Variants in IKZF5 observed in about 807,000 individuals in gnomAD.
The protein encoded by IKZF5 is IKAROS family zinc finger 5.
A neutral mutation model predicts 30.7 loss-of-function variants in IKZF5; 4 were observed. The observed-to-expected ratio is 0.13, with a 90% CI of 0.06 to 0.30. The LOEUF (loss-of-function observed/expected upper bound fraction) is 0.30. Among genes scored for constraint, IKZF5 ranks in the 10% least tolerant of loss-of-function variants. The pLI, the probability that IKZF5 is intolerant of heterozygous loss-of-function variation, is 1.00. For missense variants in IKZF5, 348 were observed against 525.5 expected, an observed-to-expected ratio of 0.66 and a Z score of 3.30; for synonymous variants, 148 against 179.6, an observed-to-expected ratio of 0.82 and a Z score of 1.41.
At position 122,994,855 on chromosome 10, in the gene IKZF5, A is replaced by AT. The variant is rs1399535094; in HGVS notation, c.317-133dup. ...TTTCAGAAAGTCATATTTGCATAGC[A>AT]TATGAGATTGTTAAAATTTGTAAAT... On this transcript the variant is annotated intron_variant, in intron 4 of 4. Transcript: ENST00000368886. The surrounding 1 kb of genome is among the most constrained non-coding windows in gnomAD (Gnocchi z 5.6). 25 of 689,212 alleles carry AT rather than the reference A, an allele frequency of 3.6e-5. No homozygotes were observed. In the East Asian group the frequency reaches 6.8e-4, roughly 19 times the overall value. The allele number at this position is 689,212 out of a possible 1,614,324, so 42.7% of individuals were successfully genotyped here. A position where few individuals can be genotyped will look rare whatever the true frequency, so the allele number is the denominator to read the frequency against.
At chr10:123,000,174 GA>G (rs1849529615) in intron 2 of IKZF5, among the ~76,000 whole-genome samples, 2 of 152,280 alleles carry the variant, frequency 1.3e-5, no homozygotes, top group Admixed American at 6.5e-5. Context: ...CCACAATCAA[GA>G]AACAGAAGGA....
chr10:123,003,094 G>A (rs1275968794), intron 2 of IKZF5, among the ~76,000 whole-genome samples: 3 of 150,770 alleles, frequency 2.0e-5, no homozygotes, highest in South Asian at 2.1e-4. Flanking sequence ...GCAATGGCGT[G>A]ATCTCGGCTC....
chr10:122,999,586 A>G (rs1171550677), intron 2 of IKZF5, among the ~76,000 whole-genome samples: 1 of 152,374 alleles, frequency 6.6e-6, no homozygotes, highest in African/African-American at 2.4e-5. Flanking sequence ...ATTAGACTTT[A>G]TAACAACAGG....
chr10:122,998,179 T>G (rs1849451356), intron 3 of IKZF5: 2 of 196,956 alleles, frequency 1.0e-5, no homozygotes, highest in South Asian at 3.7e-4. Flanking sequence ...CCTAATGGTT[T>G]GTATAGTGAA....
Position 123,007,837 on chromosome 10 carries a change from A to T in IKZF5, c.-197-661T>A, listed in dbSNP as rs561400721. 2.0e-5 allele frequency among the ~76,000 whole-genome samples: 3 copies of T among 152,182 alleles called. No homozygotes were observed. In the East Asian group the frequency reaches 5.8e-4, roughly 29 times the overall value. ...TTTAAAATTGTTAGTTCCTACGTTT[A>T]AAAAAAAGTTGTTTTAAATACATTC... On this transcript the variant is annotated intron_variant, in intron 1 of 4. Transcript: ENST00000368886.
chr10:122,996,628 C>T (rs1267250452), intron 3 of IKZF5, among the ~76,000 whole-genome samples: 1 of 152,128 alleles, frequency 6.6e-6, no homozygotes, highest in Non-Finnish European at 1.5e-5. Context: ...CGCTGGAATC[C>T]AGGAGGCAGA....
chr10:122,994,026 C>A lies in IKZF5; in HGVS notation c.1014G>T (p.Thr338=), dbSNP rs771174517. 1 of 1,614,018 alleles carries A rather than the reference C, an allele frequency of 6.2e-7. No individual in the cohort carries two copies. Among genetic ancestry groups the A allele is most frequent in the Non-Finnish European group, 8.5e-7 (1 of 1,180,024 alleles). ...GGCTGTTTCCTATGCTGGGAGTGCT[C>A]GTGTGGGCACTTGGCTCACTGCTTG... ...AGPSSEPSAH[T]STPSIGNSQP... The change falls in exon 5 of 5, where the codon ACG becomes ACT. Residue 338 remains threonine (T), a synonymous_variant. Transcript: ENST00000368886. This position sits in a 1 kb window ranked among gnomAD's most constrained non-coding sequence, Gnocchi z 5.6.
intron 2 of IKZF5, among the ~76,000 whole-genome samples, chr10:123,003,623 G>A (rs2133418671): frequency 6.6e-6 from 1 of 152,280 alleles, no homozygotes; most frequent in South Asian, 2.1e-4. Context: ...ATCAGAAAAT[G>A]GCGGCTATTT....
At chr10:122,999,792 A>G (rs1407887160) in intron 2 of IKZF5, among the ~76,000 whole-genome samples, 1 of 152,248 alleles carries the variant, frequency 6.6e-6, no homozygotes, top group Non-Finnish European at 1.5e-5. Flanking sequence ...TGGTCTTCAC[A>G]TAGGTTTATG....
intron 4 of IKZF5, chr10:122,995,045 A>C: frequency 4.1e-6 from 1 of 241,660 alleles, no homozygotes; most frequent in South Asian, 9.7e-5. Flanking sequence ...TTACATAATA[A>C]TGAGTTTATC....
chr10:122,994,992 TAG>T lies in IKZF5; in HGVS notation c.317-271_317-270del, dbSNP rs570263885. On this transcript the variant is annotated intron_variant, in intron 4 of 4. Transcript: ENST00000368886. This position sits in a 1 kb window ranked among gnomAD's most constrained non-coding sequence, Gnocchi z 5.6. ...AAACTGTTATGGCTTCGAATGCATTTAGAGAGAAGAAACAGTACAATTGAAAT... is the reference window on the plus strand; with the variant it reads ...AAACTGTTATGGCTTCGAATGCATTTAGAGAAGAAACAGTACAATTGAAAT... The T allele has an allele frequency of 6.1e-5, 23 of 376,514 alleles. No individual in the cohort carries two copies. The South Asian group carries it at 1.1e-3, about 18-fold the overall frequency. 23.3% of individuals were successfully genotyped at this position (376,514 alleles called of 1,614,324 possible).
At chr10:122,999,996 TA>T (rs1200770653) in intron 2 of IKZF5, among the ~76,000 whole-genome samples, 2 of 152,258 alleles carry the variant, frequency 1.3e-5, no homozygotes, top group Admixed American at 1.3e-4. Context: ...ATTTTCCATC[TA>T]AACAAGCTTC....
chr10:122,998,213 GTTCT>G lies in IKZF5; in HGVS notation c.133+276_133+279del, dbSNP rs1440382500. ...AAGCTGATATTCCAATCCCCTTTGG[GTTCT>G]TTGTGTCTAATGGTAGCTCATAAAA... On this transcript the variant is annotated intron_variant, in intron 3 of 4. Transcript: ENST00000368886. The G allele has an allele frequency of 4.2e-5, 11 of 264,380 alleles. No individual in the cohort carries two copies. In the South Asian group the frequency reaches 1.3e-3, roughly 30 times the overall value. 16.4% of individuals were successfully genotyped at this position (264,380 alleles called of 1,614,324 possible). A position where few individuals can be genotyped will look rare whatever the true frequency, so the allele number is the denominator to read the frequency against.
chr10:123,006,175 G>C (rs552170039), intron 2 of IKZF5, among the ~76,000 whole-genome samples: 1 of 152,234 alleles, frequency 6.6e-6, no homozygotes, highest in African/African-American at 2.4e-5. Flanking sequence ...TATGCAAGCC[G>C]GTAGGGGGAA....
chr10:122,999,923 A>C (rs1399052367), intron 2 of IKZF5, among the ~76,000 whole-genome samples: 1 of 152,224 alleles, frequency 6.6e-6, no homozygotes, highest in Non-Finnish European at 1.5e-5. Context: ...AAATAAGTAC[A>C]ATTCTCTGGT....
intron 2 of IKZF5, among the ~76,000 whole-genome samples, chr10:123,001,629 A>G (rs1849589566): frequency 6.6e-6 from 1 of 152,174 alleles, no homozygotes; most frequent in Non-Finnish European, 1.5e-5. Context: ...TTTTTAAATC[A>G]AATGGTTATA....
intron 2 of IKZF5, among the ~76,000 whole-genome samples, chr10:123,001,012 T>C (rs1358771249): frequency 2.6e-5 from 4 of 151,684 alleles, no homozygotes; most frequent in African/African-American, 4.9e-5. Context: ...TTCTTTTCTT[T>C]TCTTTTTTTT....
In IKZF5 at chr10:122,996,069, T is replaced by A; in HGVS notation, c.241A>T (p.Lys81Ter). The A allele has an allele frequency of 6.2e-7, 1 of 1,614,120 alleles. No individual in the cohort carries two copies. The highest frequency in any genetic ancestry group is 8.5e-7 in the Non-Finnish European group (1 of 1,180,012). Residue 81 changes from lysine to a stop codon, truncating the protein, a stop_gained, in exon 4 of 5, where the codon AAG (lysine) becomes TAG (stop). Coordinates refer to ENST00000368886, the MANE Select transcript of IKZF5 (RefSeq NM_001372123.1). LOFTEE classifies it high-confidence loss of function. ...VDGFERTFDGKLKCRYCNYAS... is the reference protein window; with the variant it reads ...VDGFERTFDG The stretch of plus-strand genomic sequence containing the variant: ...TAGTTGCAGTACCGACACTTAAGCT[T>A]CCCATCAAAGGTCCTTTCAAACCCG...
chr10:123,007,308 G>C (rs986140003), intron 1 of IKZF5, 132 bp from the exon 2 acceptor site: 2 of 152,148 alleles, frequency 1.3e-5, no homozygotes, highest in Non-Finnish European at 2.9e-5. Context: ...AAAACGAACT[G>C]ACAGATTAAT....
Sources: allele counts gnomAD v4.1 joint callset (sites outside exome capture counted in the v4.1 genomes callset), GRCh38; gene constraint gnomAD v4.1.1; non-coding constraint Gnocchi (gnomAD v3.1); transcripts MANE v1.5; gene names NCBI Gene and HGNC (gene_info 2026-07-23, HGNC 2026-07-21).